The following RANBP2 variants were observed in gnomAD, a reference collection of about 807,000 sequenced individuals.
RANBP2 encodes the protein E3 SUMO-protein ligase RanBP2.
Under a neutral mutation model 303.6 loss-of-function variants are expected in RANBP2, and 57 were observed. That is an observed-to-expected ratio of 0.19 (90% confidence interval 0.15 to 0.23). The LOEUF is 0.23. Ranked by LOEUF, RANBP2 falls within the 10% of genes least tolerant of loss-of-function variation. RANBP2 has a pLI of 1.00. For missense variants in RANBP2, 3,138 were observed against 3,780.8 expected, an observed-to-expected ratio of 0.83 and a Z score of 4.46; for synonymous variants, 1,167 against 1,301.5, an observed-to-expected ratio of 0.90 and a Z score of 2.23.
At chr2:109,640,868 G>C in the RANBP2 span, among the ~76,000 whole-genome samples, 5 of 152,152 alleles carry the variant, frequency 3.3e-5, no homozygotes, top group African/African-American at 9.7e-5. Context: ...CTGAGTGCCT[G>C]TCCACAACCC....
At chr2:108,849,718 A>T in the RANBP2 span, among the ~76,000 whole-genome samples, 57 of 152,262 alleles carry the variant, frequency 3.7e-4, no homozygotes, top group Non-Finnish European at 1.5e-5. Context: ...AGGAAGAGAT[A>T]CAAGAGTTCT....
chr2:108,823,141 AT>A, the RANBP2 span, among the ~76,000 whole-genome samples: 6 of 152,224 alleles, frequency 3.9e-5, no homozygotes, highest in Admixed American at 1.3e-4. Flanking sequence ...AGTATCACTA[AT>A]TACAAAAAAA....
chr2:108,788,904 T>C, downstream of RANBP2: 1 of 1,614,090 alleles, frequency 6.2e-7, no homozygotes, highest in African/African-American at 1.3e-5. Flanking sequence ...TAAAATATTC[T>C]GATGAAAGCA....
chr2:109,087,083 C>G, the RANBP2 span, among the ~76,000 whole-genome samples: 3 of 152,160 alleles, frequency 2.0e-5, no homozygotes, highest in Admixed American at 1.3e-4. Flanking sequence ...GAAGACAAGG[C>G]GAATGAACTG....
the RANBP2 span, among the ~76,000 whole-genome samples, chr2:109,625,104 A>AAG: frequency 6.7e-6 from 1 of 150,028 alleles, no homozygotes; most frequent in African/African-American, 2.4e-5. Context: ...AAAAAAAAAA[A>AAG]AAAGAAAAGA....
the RANBP2 span, chr2:108,882,385 G>A: frequency 6.6e-6 from 1 of 152,130 alleles, no homozygotes; most frequent in Non-Finnish European, 1.5e-5. Flanking sequence ...ACAAAATTAG[G>A]TATGCCTGTA....
At chr2:108,839,151 C>T in the RANBP2 span, 4 of 1,566,816 alleles carry the variant, frequency 2.6e-6, no homozygotes, top group African/African-American at 2.7e-5. Flanking sequence ...AAATACTGTG[C>T]CTTTGTATTT....
chr2:109,368,353 C>G, the RANBP2 span, among the ~76,000 whole-genome samples: 2 of 152,146 alleles, frequency 1.3e-5, no homozygotes, highest in African/African-American at 2.4e-5. Flanking sequence ...GATTAAACAT[C>G]TATTCATATT....
the RANBP2 span, chr2:109,615,828 G>A: frequency 1.2e-6 from 2 of 1,614,168 alleles, no homozygotes; most frequent in Non-Finnish European, 1.7e-6. Context: ...CTCGGCTGAG[G>A]GGTGGGTCGG....
chr2:108,728,848 T>A (rs1694947381), intron 1 of RANBP2, among the ~76,000 whole-genome samples: 1 of 152,182 alleles, frequency 6.6e-6, no homozygotes, highest in African/African-American at 2.4e-5. Flanking sequence ...TTCACCATGT[T>A]AGCCAGGCTG....
the RANBP2 span, among the ~76,000 whole-genome samples, chr2:109,705,722 G>T: frequency 2.6e-5 from 4 of 152,204 alleles, no homozygotes; most frequent in African/African-American, 9.6e-5. Context: ...GTTCAGTGCA[G>T]TGAACTCCAA....
At chr2:109,435,766 T>A in the RANBP2 span, among the ~76,000 whole-genome samples, 1 of 152,344 alleles carries the variant, frequency 6.6e-6, no homozygotes, top group African/African-American at 2.4e-5. Context: ...CCCACTTTAT[T>A]TAGTTTTTAA....
chr2:109,056,934 G>A, the RANBP2 span, among the ~76,000 whole-genome samples: 2 of 152,218 alleles, frequency 1.3e-5, no homozygotes, highest in Admixed American at 1.3e-4. Context: ...TCCTGAAGTT[G>A]CTGGTAGGAG....
At chr2:109,026,789 G>A in the RANBP2 span, among the ~76,000 whole-genome samples, 9 of 152,300 alleles carry the variant, frequency 5.9e-5, no homozygotes, top group East Asian at 3.9e-4. Flanking sequence ...AGAAGTGGCC[G>A]GGTGCAGTGG....
chr2:109,360,906 G>T, the RANBP2 span, among the ~76,000 whole-genome samples: 1 of 152,118 alleles, frequency 6.6e-6, no homozygotes, highest in Non-Finnish European at 1.5e-5. Context: ...GATCTTAGTG[G>T]GAAAGTTTAA....
chr2:108,769,986 T>C (rs2693101), intron 20 of RANBP2, among the ~76,000 whole-genome samples: 5 of 152,298 alleles, frequency 3.3e-5, no homozygotes, highest in Admixed American at 2.0e-4. Context: ...GTTTTATTAC[T>C]AGCTAAGGTA....
At chr2:109,191,096 C>G in the RANBP2 span, among the ~76,000 whole-genome samples, 1 of 152,064 alleles carries the variant, frequency 6.6e-6, no homozygotes, top group Non-Finnish European at 1.5e-5. Context: ...CTGTAGACAG[C>G]ATATCAAGTG....
At chr2:109,435,710 G>T in the RANBP2 span, among the ~76,000 whole-genome samples, 1 of 152,216 alleles carries the variant, frequency 6.6e-6, no homozygotes. Context: ...GTTGTGTTCA[G>T]ACTTGTCAAT....
chr2:109,183,248 G>T, the RANBP2 span, among the ~76,000 whole-genome samples: 18 of 152,320 alleles, frequency 1.2e-4, no homozygotes, highest in South Asian at 3.7e-3. Context: ...CACATCCTGA[G>T]ATGACTATCA....
Sources: allele counts gnomAD v4.1 joint callset (sites outside exome capture counted in the v4.1 genomes callset), GRCh38; gene constraint gnomAD v4.1.1; transcripts MANE v1.5; gene names NCBI Gene and HGNC (gene_info 2026-07-23, HGNC 2026-07-21).